The following DNAH12 variants were observed in gnomAD, a reference collection of about 807,000 sequenced individuals.
The protein encoded by DNAH12 is axonemal beta dynein heavy chain 12.
Under a neutral mutation model 371.5 loss-of-function variants are expected in DNAH12, and 285 were observed. The ratio of observed to expected loss-of-function variants is 0.77; its 90% CI spans 0.70 to 0.85. The LOEUF (loss-of-function observed/expected upper bound fraction) is 0.85. Ranked by LOEUF, DNAH12 falls within the 40% of genes least tolerant of loss-of-function variation. The probability of loss-of-function intolerance (pLI) is 0.00; values close to 1 mark genes in which losing one functional copy is unlikely to be tolerated. For missense variants in DNAH12, 3,611 were observed against 3,689.4 expected (o/e 0.98, Z 0.55); for synonymous variants, 1,200 against 1,213.0 (o/e 0.99, Z 0.22).
chr3:57,505,085 G>T (rs2067702434), intron 8 of DNAH12, among the ~76,000 whole-genome samples: 1 of 151,762 alleles, frequency 6.6e-6, no homozygotes, highest in Non-Finnish European at 1.5e-5. Flanking sequence ...ACAGGGTTTT[G>T]TCACGTTGCT....
chr3:57,330,688 A>G (rs1397951023), intron 62 of DNAH12, among the ~76,000 whole-genome samples: 2 of 150,888 alleles, frequency 1.3e-5, no homozygotes, highest in African/African-American at 2.4e-5. Flanking sequence ...CATTGTGCAC[A>G]TGTACCCTAA....
At chr3:57,483,950 C>CAAAAAAAAAAAA in intron 12 of DNAH12, among the ~76,000 whole-genome samples, 1 of 64,104 alleles carries the variant, frequency 1.6e-5, no homozygotes, top group Non-Finnish European at 2.7e-5. Flanking sequence ...GACCCTGTCT[C>CAAAAAAAAAAAA]AAAAAAAAAA....
chr3:57,466,355 A>C (rs1179231275), intron 17 of DNAH12, among the ~76,000 whole-genome samples: 9 of 152,198 alleles, frequency 5.9e-5, no homozygotes, highest in Admixed American at 5.9e-4. Context: ...GAGACTTTTC[A>C]GATGTCTCTT....
chr3:57,396,476 C>T (rs2063744545), intron 43 of DNAH12, among the ~76,000 whole-genome samples: 1 of 151,598 alleles, frequency 6.6e-6, no homozygotes, highest in Non-Finnish European at 1.5e-5. Context: ...TGGCTCACTG[C>T]AACTTCTGCC....
Position 57,415,520 on chromosome 3 carries a change from TAC to T in DNAH12, c.5757_5758del (p.Tyr1920CysfsTer4), listed in dbSNP as rs1483818555. 6.4e-7 allele frequency: 1 copy of T among 1,550,638 alleles called. No individual in the cohort carries two copies. Among genetic ancestry groups the T allele is most frequent in the South Asian group, 1.2e-5 (1 of 83,692 alleles). Reference sequence around the variant, plus strand: ...GTGATTCATTAGCTTATCCTTCACATACACAGATTTTCCTGTACCCGTTGGAC... The same window carrying T: ...GTGATTCATTAGCTTATCCTTCACATACAGATTTTCCTGTACCCGTTGGAC... On this transcript the variant is annotated frameshift_variant, in exon 38 of 74. Coordinates refer to ENST00000495027, the MANE Select transcript of DNAH12 (RefSeq NM_001366028.2). LOFTEE classifies it high-confidence loss of function.
Position 57,335,393 on chromosome 3 carries a change from C to T in DNAH12, c.9675-453G>A, listed in dbSNP as rs1028888407. On this transcript the variant is annotated intron_variant, in intron 60 of 73. Transcript: ENST00000495027. ...GGTGAATGAATGTCTTAAAAATCTA[C>T]AGAGGTGCTCTCTTGGTTCTACTGA... 2.0e-5 allele frequency among the ~76,000 whole-genome samples: 3 copies of T among 152,362 alleles called. No individual in the cohort carries two copies. In the South Asian group the frequency reaches 6.2e-4, roughly 32 times the overall value.
intron 70 of DNAH12, among the ~76,000 whole-genome samples, chr3:57,298,332 C>G (rs1466194006): frequency 6.6e-6 from 1 of 152,228 alleles, no homozygotes. Flanking sequence ...GACTCACTCT[C>G]AACTCCTCAA....
intron 34 of DNAH12, among the ~76,000 whole-genome samples, chr3:57,427,212 A>G (rs1389543919): frequency 6.6e-6 from 1 of 151,120 alleles, no homozygotes; most frequent in Admixed American, 6.6e-5. Flanking sequence ...GTCCCCAAAA[A>G]GATATTTCCA....
chr3:57,330,828 G>C (rs2062078864), intron 62 of DNAH12, among the ~76,000 whole-genome samples: 1 of 151,772 alleles, frequency 6.6e-6, no homozygotes, highest in South Asian at 2.1e-4. Flanking sequence ...TGAGTTTCCA[G>C]CCTGCCAGCT....
At chr3:57,461,297 G>A (rs1487822923) in intron 19 of DNAH12, among the ~76,000 whole-genome samples, 192 bp downstream of exon 19, 2 of 151,970 alleles carry the variant, frequency 1.3e-5, no homozygotes, top group Non-Finnish European at 2.9e-5. Context: ...TGTCTCAGAT[G>A]TATATATTTC....
chr3:57,518,120 CTATTA>C (rs2068267488), intron 4 of DNAH12, among the ~76,000 whole-genome samples: 1 of 151,944 alleles, frequency 6.6e-6, no homozygotes, highest in Admixed American at 6.6e-5. Context: ...CTTCACACTT[CTATTA>C]TAACAGCTGT....
intron 12 of DNAH12, among the ~76,000 whole-genome samples, chr3:57,483,826 C>A (rs1291301367): frequency 1.3e-5 from 2 of 151,384 alleles, no homozygotes; most frequent in Non-Finnish European, 1.5e-5. Flanking sequence ...GTGGCACATG[C>A]CTGTAGTCCC....
At chr3:57,324,919 T>C (rs1412560253) in intron 62 of DNAH12, among the ~76,000 whole-genome samples, 1 of 152,122 alleles carries the variant, frequency 6.6e-6, no homozygotes, top group South Asian at 2.1e-4. Context: ...GGAGATTATA[T>C]CCCCCACATG....
At position 57,436,981 on chromosome 3, in the gene DNAH12, T is replaced by C; in HGVS notation, c.4625A>G (p.Gln1542Arg). ...TCTAACAATCATCATTTCATATGTT[T>C]GAATTATTTTTTCAAGAAAAAATTT... is the stretch of plus-strand genomic sequence containing the variant. ...PVKFFLEKII[Q>R]TYEMMIVRHG... Residue 1542 changes from glutamine (Q) to arginine (R), a missense_variant, in exon 30 of 74, where the codon CAA (glutamine) becomes CGA (arginine). Transcript: ENST00000495027. 6.6e-7 allele frequency: 1 copy of C among 1,514,274 alleles called. No homozygotes were observed. The highest frequency in any genetic ancestry group is 8.8e-7 in the Non-Finnish European group (1 of 1,135,014). 93.8% of individuals were successfully genotyped at this position (1,514,274 alleles called of 1,614,324 possible).
At position 57,489,567 on chromosome 3, in the gene DNAH12, C is replaced by G; in HGVS notation, c.1456G>C (p.Ala486Pro). ...TCATTTAATAATATGTTTGCAAAGG[C>G]TTTTGCTTTATTTGTCAGGCCTGTC... The part of the protein sequence containing the change: ...LKTGLTNKAK[A>P]FANILLNDIA... Residue 486 changes from alanine to proline, a missense_variant, in exon 12 of 74, where the codon GCC becomes CCC. Ala to Pro is a conservative substitution (Grantham distance 27). Around this residue, in one of 3 missense-constraint regions of DNAH12, gnomAD observed 1,314 missense variants for 1,398.7 expected, o/e 0.94. Coordinates refer to ENST00000495027, the MANE Select transcript of DNAH12 (RefSeq NM_001366028.2). 6.5e-7 allele frequency: 1 copy of G among 1,535,228 alleles called. No individual in the cohort carries two copies. Among genetic ancestry groups the G allele is most frequent in the Non-Finnish European group, 8.8e-7 (1 of 1,142,276 alleles).
chr3:57,379,842 CA>C (rs1170490495), intron 51 of DNAH12, among the ~76,000 whole-genome samples: 364 of 22,350 alleles, frequency 0.016, no homozygotes, highest in Middle Eastern at 0.056. Flanking sequence ...CTCTGTCTCC[CA>C]AAAAAAAAAA....
chr3:57,355,012 G>A (rs2062765209), intron 59 of DNAH12, among the ~76,000 whole-genome samples: 1 of 152,122 alleles, frequency 6.6e-6, no homozygotes, highest in Non-Finnish European at 1.5e-5. Flanking sequence ...TATAAAAGGG[G>A]AACACAGAGA....
chr3:57,381,677 A>G (rs1417057234), intron 50 of DNAH12, among the ~76,000 whole-genome samples: 1 of 152,096 alleles, frequency 6.6e-6, no homozygotes, highest in African/African-American at 2.4e-5. Context: ...ATTTCTGAAT[A>G]CAGACATTCT....
At chr3:57,294,698 G>T (rs1177559626) in intron 73 of DNAH12, among the ~76,000 whole-genome samples, 1 of 152,162 alleles carries the variant, frequency 6.6e-6, no homozygotes, top group African/African-American at 2.4e-5. Flanking sequence ...CACATTAGAA[G>T]AAGCTGACGT....
Sources: gnomAD v4.1 joint callset for allele counts (sites outside exome capture counted in the v4.1 genomes callset) on GRCh38, gnomAD v4.1.1 for gene constraint, gnomAD v4.1.1 regional missense constraint, MANE v1.5 for transcripts, NCBI Gene and HGNC (gene_info 2026-07-23, HGNC 2026-07-21) for gene names.